The following SLC24A4 variants were observed in gnomAD, a reference collection of about 807,000 sequenced individuals.
The protein encoded by SLC24A4 is sodium/potassium/calcium exchanger 4.
A neutral mutation model predicts 79.0 loss-of-function variants in SLC24A4; 53 were observed. The observed-to-expected ratio is 0.67, with a 90% confidence interval of 0.54 to 0.84. The LOEUF (loss-of-function observed/expected upper bound fraction) is 0.84. Among genes scored for constraint, SLC24A4 ranks in the 40% least tolerant of loss-of-function variants. The probability of loss-of-function intolerance (pLI) is 0.00; values close to 1 mark genes in which losing one functional copy is unlikely to be tolerated. For synonymous variants in SLC24A4, 323 were observed against 323.8 expected (o/e 1.00, Z 0.03); for missense variants, 731 against 822.0 (o/e 0.89, Z 1.35).
At chr14:92,389,008 T>G (rs1889321836) in intron 2 of SLC24A4, among the ~76,000 whole-genome samples, 1 of 152,172 alleles carries the variant, frequency 6.6e-6, no homozygotes, top group African/African-American at 2.4e-5. Context: ...CTAGACCACT[T>G]AAGGCAGAAC....
At chr14:92,339,293 T>C (rs2141612760) in intron 2 of SLC24A4, among the ~76,000 whole-genome samples, 1 of 152,264 alleles carries the variant, frequency 6.6e-6, no homozygotes, top group East Asian at 1.9e-4. Context: ...AAGTCCCCGA[T>C]GTCAAAATCA....
At chr14:92,449,311 CACA>C in intron 10 of SLC24A4, 95 bp downstream of exon 10, 2 of 1,323,712 alleles carry the variant, frequency 1.5e-6, no homozygotes, top group South Asian at 1.4e-5. Flanking sequence ...CACACACACA[CACA>C]CACACACACC....
At chr14:92,413,186 TCTG>T (rs1319648857) in intron 2 of SLC24A4, among the ~76,000 whole-genome samples, 1 of 152,176 alleles carries the variant, frequency 6.6e-6, no homozygotes, top group African/African-American at 2.4e-5. Context: ...TGCTCAGCGA[TCTG>T]CTGCTGCTCT....
chr14:92,329,909 C>A (rs930432233), intron 2 of SLC24A4, among the ~76,000 whole-genome samples: 1 of 152,238 alleles, frequency 6.6e-6, no homozygotes, highest in African/African-American at 2.4e-5. Flanking sequence ...GCCAGAAGAG[C>A]TGTTCTTAAT....
chr14:92,445,869 T>A (rs1892769896), intron 8 of SLC24A4, among the ~76,000 whole-genome samples: 1 of 152,218 alleles, frequency 6.6e-6, no homozygotes, highest in African/African-American at 2.4e-5. Context: ...TAGAGACTCA[T>A]CTTTAAGACA....
At chr14:92,406,326 C>T (rs899312177) in intron 2 of SLC24A4, among the ~76,000 whole-genome samples, 6 of 152,184 alleles carry the variant, frequency 3.9e-5, no homozygotes, top group Admixed American at 6.5e-5. Context: ...TCCAGGTGCA[C>T]GGTGCACACT....
intron 14 of SLC24A4, among the ~76,000 whole-genome samples, chr14:92,489,763 C>T (rs1048091948): frequency 6.6e-6 from 1 of 152,166 alleles, no homozygotes; most frequent in Non-Finnish European, 1.5e-5. Context: ...CCGGCAGCCC[C>T]GTTTGTGCAG....
At chr14:92,395,467 G>A (rs944750897) in intron 2 of SLC24A4, among the ~76,000 whole-genome samples, 2 of 122,990 alleles carry the variant, frequency 1.6e-5, no homozygotes, top group African/African-American at 3.2e-5. Context: ...ACACACACAC[G>A]AAACTATCCC....
chr14:92,448,715 G>A (rs1393983475), intron 9 of SLC24A4, among the ~76,000 whole-genome samples: 2 of 152,018 alleles, frequency 1.3e-5, no homozygotes, highest in African/African-American at 2.4e-5. Context: ...CTGGGGGAGA[G>A]GGGACAGGCC....
chr14:92,356,447 C>A (rs1887186413), intron 2 of SLC24A4, among the ~76,000 whole-genome samples: 1 of 152,076 alleles, frequency 6.6e-6, no homozygotes, highest in Non-Finnish European at 1.5e-5. Flanking sequence ...AAGGTGGTAC[C>A]ACTTTGTGGT....
At chr14:92,471,323 C>T (rs1894430153) in intron 12 of SLC24A4, among the ~76,000 whole-genome samples, 1 of 152,138 alleles carries the variant, frequency 6.6e-6, no homozygotes, top group African/African-American at 2.4e-5. Context: ...GTCTCCTTCT[C>T]CTTATCCAGA....
At chr14:92,350,427 T>A (rs1726516637) in intron 2 of SLC24A4, among the ~76,000 whole-genome samples, 1 of 152,114 alleles carries the variant, frequency 6.6e-6, no homozygotes, top group African/African-American at 2.4e-5. Context: ...AGGATTCAGT[T>A]AAACTTATAG....
At chr14:92,361,030 G>C (rs1005542310) in intron 2 of SLC24A4, among the ~76,000 whole-genome samples, 2 of 152,162 alleles carry the variant, frequency 1.3e-5, no homozygotes, top group Non-Finnish European at 2.9e-5. Flanking sequence ...AAAAAGGAGA[G>C]GGTGTTGCCA....
chr14:92,479,607 C>A (rs996905428), intron 12 of SLC24A4, among the ~76,000 whole-genome samples: 2 of 152,138 alleles, frequency 1.3e-5, no homozygotes, highest in Admixed American at 6.5e-5. Flanking sequence ...TTCCAGTTTG[C>A]TAGAATTTTG....
In SLC24A4 at chr14:92,492,233, C is replaced by T; in HGVS notation, c.1709C>T (p.Ala570Val). 3 of 1,614,094 alleles carry T rather than the reference C, an allele frequency of 1.9e-6. No homozygotes were observed. Among genetic ancestry groups the T allele is most frequent in the Non-Finnish European group, 2.5e-6 (3 of 1,179,972 alleles). Residue 570 changes from alanine (A) to valine (V), a missense_variant, in exon 16 of 17, where the codon GCT becomes GTT. Ala to Val is a moderately conservative substitution (Grantham distance 64). Coordinates refer to ENST00000532405, the MANE Select transcript of SLC24A4 (RefSeq NM_153646.4). ...GTGGTCCTGTTGCTGGGCTCTGTCGCTCTCACCGTGAGTCTTTACAATTCC... is the reference window on the plus strand; with the variant it reads ...GTGGTCCTGTTGCTGGGCTCTGTCGTTCTCACCGTGAGTCTTTACAATTCC... ...YSVVLLLGSV[A>V]LTVLGIHLNK...
chr14:92,401,599 G>A (rs1232729128), intron 2 of SLC24A4, among the ~76,000 whole-genome samples: 1 of 152,184 alleles, frequency 6.6e-6, no homozygotes, highest in Non-Finnish European at 1.5e-5. Flanking sequence ...ATTCCCCTGA[G>A]CAGAGAGAGG....
In SLC24A4 at chr14:92,482,772, G is replaced by A. The variant is rs778551858; in HGVS notation, c.1348G>A (p.Glu450Lys). The A allele has an allele frequency of 1.2e-6, 2 of 1,613,960 alleles. No homozygotes were observed. The highest frequency in any genetic ancestry group is 2.7e-5 in the African/African-American group (2 of 74,890). Reference protein sequence around the residue: ...TIPNCSKPRWEKFFMVTFITA... With the variant: ...TIPNCSKPRWKKFFMVTFITA... ...TCCCAACTGCAGCAAGCCCCGCTGG[G>A]AGAAGTTCTTCATGGTCACCTTCAT... The change falls in exon 13 of 17, where the codon GAG (glutamate) becomes AAG (lysine). Residue 450 changes from glutamate (E) to lysine (K), a missense_variant. Transcript: ENST00000532405.
At position 92,441,990 on chromosome 14, in the gene SLC24A4, C is replaced by T. The variant is rs983810521; in HGVS notation, c.394-99C>T. The stretch of plus-strand genomic sequence containing the variant: ...AGGCAGACGAGTTTGCCTCTGGCTG[C>T]AGCACTGCTCTCCTGCATGCTCCTT... On this transcript the variant is annotated intron_variant, in intron 4 of 16. Transcript: ENST00000532405. The surrounding 1 kb of genome is among the most constrained non-coding windows in gnomAD (Gnocchi z 4.6). The T allele has an allele frequency of 4.3e-6, 4 of 922,188 alleles. No individual in the cohort carries two copies. The highest frequency in any genetic ancestry group is 6.9e-6 in the Non-Finnish European group (4 of 582,866). 57.1% of individuals were successfully genotyped at this position (922,188 alleles called of 1,614,324 possible).
chr14:92,428,096 T>C (rs574857770), intron 2 of SLC24A4, among the ~76,000 whole-genome samples: 3 of 152,316 alleles, frequency 2.0e-5, no homozygotes, highest in East Asian at 1.9e-4. Context: ...GTTTATGATA[T>C]TTTGTTATAG....
Sources: gnomAD v4.1 joint callset for allele counts (sites outside exome capture counted in the v4.1 genomes callset) on GRCh38, gnomAD v4.1.1 for gene constraint, Gnocchi (gnomAD v3.1) non-coding constraint, MANE v1.5 for transcripts, NCBI Gene and HGNC (gene_info 2026-07-23, HGNC 2026-07-21) for gene names.